LYST: variants seen among roughly 807,000 people sequenced by gnomAD.
The protein encoded by LYST is lysosomal trafficking regulator.
LYST carries 192 observed loss-of-function variants against 413.6 expected under a neutral mutation model. That is an observed-to-expected ratio of 0.46 (90% CI 0.41 to 0.52). The LOEUF is 0.52. LYST is among the 20% of genes least tolerant of loss of function. LYST has a pLI of 0.00. For synonymous variants in LYST, 1,525 were observed against 1,567.3 expected (o/e 0.97, Z 0.64); for missense variants, 3,815 against 4,499.9 (o/e 0.85, Z 4.35).
chr1:235,700,559 C>T (rs1475178241), intron 45 of LYST, among the ~76,000 whole-genome samples: 1 of 152,132 alleles, frequency 6.6e-6, no homozygotes, highest in Non-Finnish European at 1.5e-5. Context: ...CAGATGACCC[C>T]CTTATAAATG....
At chr1:235,797,464 A>G (rs558201845) in intron 10 of LYST, among the ~76,000 whole-genome samples, 22 of 152,272 alleles carry the variant, frequency 1.4e-4, no homozygotes, top group African/African-American at 5.3e-4. Flanking sequence ...TCAAAAGTCC[A>G]TACCCCTAGC....
At chr1:235,781,709 C>T (rs1358297957) in intron 15 of LYST, among the ~76,000 whole-genome samples, 1 of 151,662 alleles carries the variant, frequency 6.6e-6, no homozygotes, top group Non-Finnish European at 1.5e-5. Context: ...AACTAGATTA[C>T]AAAAACGTTA....
At chr1:235,709,401 T>G in intron 43 of LYST, 93 bp from the exon 44 acceptor site, 1 of 1,018,076 alleles carries the variant, frequency 9.8e-7, no homozygotes, top group Non-Finnish European at 1.5e-6. Flanking sequence ...AAAATAGCTG[T>G]TTGTGTGCTA....
intron 48 of LYST, among the ~76,000 whole-genome samples, chr1:235,683,613 G>A (rs1659997389): frequency 6.6e-6 from 1 of 152,182 alleles, no homozygotes; most frequent in Non-Finnish European, 1.5e-5. Flanking sequence ...GCTAAGGAAG[G>A]CATTTCCTAA....
At position 235,741,442 on chromosome 1, in the gene LYST, A is replaced by G. The variant is rs1665393560; in HGVS notation, c.8338T>C (p.Cys2780Arg). The G allele has an allele frequency of 6.2e-7, 1 of 1,613,960 alleles. No individual in the cohort carries two copies. The highest frequency in any genetic ancestry group is 1.3e-5 in the African/African-American group (1 of 75,044). Residue 2780 changes from cysteine to arginine, a missense_variant, in exon 31 of 53, where the codon TGT becomes CGT. Around this residue, in one of 4 missense-constraint regions of LYST, gnomAD observed 771 missense variants for 837.1 expected, o/e 0.92. Coordinates refer to ENST00000389793, the MANE Select transcript of LYST (RefSeq NM_000081.4). ...EPNHQEILRDCLSPSLQHGAK... is the reference protein window; with the variant it reads ...EPNHQEILRDRLSPSLQHGAK... The stretch of plus-strand genomic sequence containing the variant: ...CTTACTTGTAGGGATGGGCTGAGAC[A>G]GTCTCGTAGTATTTCCTGATGATTT...
intron 1 of LYST, among the ~76,000 whole-genome samples, chr1:235,850,404 G>T (rs924482658): frequency 6.6e-6 from 1 of 152,108 alleles, no homozygotes; most frequent in African/African-American, 2.4e-5. Flanking sequence ...TTAAACTTAA[G>T]ACCTGAAACT....
chr1:235,746,216 G>T, intron 29 of LYST, 120 bp downstream of exon 29: 3 of 796,282 alleles, frequency 3.8e-6, no homozygotes, highest in Non-Finnish European at 6.3e-6. Flanking sequence ...TTAATACTAT[G>T]GATGTTAAGA....
intron 39 of LYST, among the ~76,000 whole-genome samples, chr1:235,722,899 G>C (rs781483459): frequency 2.6e-5 from 4 of 152,172 alleles, no homozygotes; most frequent in Non-Finnish European, 4.4e-5. Context: ...TTAGGACTAA[G>C]AAATATGGCA....
chr1:235,780,911 C>G lies in LYST; in HGVS notation c.5168G>C (p.Arg1723Thr). The change falls in exon 16 of 53, where the codon AGA (arginine) becomes ACA (threonine). Residue 1723 changes from arginine to threonine, a missense_variant. Around this residue, in one of 4 missense-constraint regions of LYST, gnomAD observed 530 missense variants for 696.5 expected, o/e 0.76. Transcript: ENST00000389793. ...ATCTTTCTTGGTCATAAAAAGTTCTCTGATTTGTTCACATCGCAAAATTTC... is the reference window on the plus strand; with the variant it reads ...ATCTTTCTTGGTCATAAAAAGTTCTGTGATTTGTTCACATCGCAAAATTTC... Reference protein sequence around the residue: ...NKEILRCEQIRELFMTKKDVD... With the variant: ...NKEILRCEQITELFMTKKDVD... 5.7e-6 allele frequency: 9 copies of G among 1,575,286 alleles called. No homozygotes were observed. The highest frequency in any genetic ancestry group is 7.8e-6 in the Non-Finnish European group (9 of 1,155,534).
intron 45 of LYST, 109 bp from the exon 46 acceptor site, chr1:235,697,381 C>A: frequency 1.3e-6 from 1 of 770,978 alleles, no homozygotes; most frequent in South Asian, 1.7e-5. Flanking sequence ...GGATTATAAG[C>A]TCTGTAAGGG....
chr1:235,806,504 G>C lies in LYST; in HGVS notation c.2632C>G (p.Leu878Val). The change falls in exon 6 of 53, where the codon CTC becomes GTC. Residue 878 changes from leucine (L) to valine (V), a missense_variant. Transcript: ENST00000389793. ...CGTCTCTTTGGATAAGCTTCTTTGA[G>C]GCCAGCATAAAATTTGCTGAGACTC... Reference protein sequence around the residue: ...PQSLSKFYAGLKEAYPKRRKT... With the variant: ...PQSLSKFYAGVKEAYPKRRKT... The C allele has an allele frequency of 6.2e-7, 1 of 1,613,982 alleles. No individual in the cohort carries two copies. Among genetic ancestry groups the C allele is most frequent in the Non-Finnish European group, 8.5e-7 (1 of 1,179,972 alleles).
intron 22 of LYST, among the ~76,000 whole-genome samples, chr1:235,762,003 T>G (rs1667640843): frequency 6.8e-6 from 1 of 148,012 alleles, no homozygotes; most frequent in African/African-American, 2.5e-5. Context: ...GGGATAGCAT[T>G]AGGAGATATG....
intron 16 of LYST, among the ~76,000 whole-genome samples, chr1:235,777,838 A>G (rs1349358265): frequency 6.6e-6 from 1 of 152,132 alleles, no homozygotes; most frequent in African/African-American, 2.4e-5. Context: ...TATTTCTCCC[A>G]GGCAAAGGAT....
At chr1:235,828,897 GA>G in intron 3 of LYST, 1 of 906,270 alleles carries the variant, frequency 1.1e-6, no homozygotes, top group Non-Finnish European at 1.3e-6. Context: ...TCACATTCAT[GA>G]AAAAGAATAA....
chr1:235,876,767 C>A (rs1038204361), intron 1 of LYST, among the ~76,000 whole-genome samples: 8 of 152,202 alleles, frequency 5.3e-5, no homozygotes, highest in African/African-American at 1.9e-4. Context: ...TTGAGAGGCA[C>A]AGTCCTGTCA....
At chr1:235,848,326 C>T (rs552197699) in intron 1 of LYST, among the ~76,000 whole-genome samples, 18 of 152,144 alleles carry the variant, frequency 1.2e-4, no homozygotes, top group Non-Finnish European at 2.1e-4. Flanking sequence ...AAAAATTCTT[C>T]GAACTGAATG....
chr1:235,690,658 G>A (rs1660572540), intron 47 of LYST, among the ~76,000 whole-genome samples: 1 of 152,172 alleles, frequency 6.6e-6, no homozygotes, highest in African/African-American at 2.4e-5. Context: ...ACAAGGCACT[G>A]CTCCTCTTGC....
chr1:235,823,662 A>C (rs757235852), intron 3 of LYST, among the ~76,000 whole-genome samples: 8 of 152,244 alleles, frequency 5.3e-5, no homozygotes, highest in Non-Finnish European at 1.2e-4. Flanking sequence ...CTGTAACTTC[A>C]CTAAACTACT....
intron 15 of LYST, 80 bp from the exon 16 acceptor site, chr1:235,781,135 AT>A (rs1669831802): frequency 6.8e-6 from 6 of 884,912 alleles, no homozygotes; most frequent in Admixed American, 2.1e-5. Context: ...ACCAGGAATT[AT>A]TTTTTGTAGC....
Sources: gnomAD v4.1 joint callset for allele counts (sites outside exome capture counted in the v4.1 genomes callset) on GRCh38, gnomAD v4.1.1 for gene constraint, gnomAD v4.1.1 regional missense constraint, MANE v1.5 for transcripts, NCBI Gene and HGNC (gene_info 2026-07-23, HGNC 2026-07-21) for gene names.